Variants in JCAD observed in about 807,000 individuals in gnomAD.
The protein encoded by JCAD is junctional cadherin 5 associated.
Under a neutral mutation model 98.0 loss-of-function variants are expected in JCAD, and 40 were observed. That is an observed-to-expected ratio of 0.41 (90% CI 0.32 to 0.53). The LOEUF is 0.53. JCAD is among the 20% of genes least tolerant of loss of function. The pLI is 0.31. For synonymous variants in JCAD, 691 were observed against 682.3 expected (o/e 1.01, Z -0.20); for missense variants, 1,705 against 1,738.1 (o/e 0.98, Z 0.34).
At chr10:30,041,232 G>C (rs1837236864) in intron 2 of JCAD, among the ~76,000 whole-genome samples, 1 of 152,060 alleles carries the variant, frequency 6.6e-6, no homozygotes. Context: ...ACAGAAGACA[G>C]TGAGGGAAGA....
At chr10:30,087,543 T>C (rs1838185787) in intron 1 of JCAD, among the ~76,000 whole-genome samples, 1 of 152,216 alleles carries the variant, frequency 6.6e-6, no homozygotes, top group Admixed American at 6.5e-5. Context: ...TACCAGTTAG[T>C]GCACACTCTT....
At chr10:30,110,111 C>T (rs547232626) in intron 1 of JCAD, among the ~76,000 whole-genome samples, 1 of 151,958 alleles carries the variant, frequency 6.6e-6, no homozygotes, top group East Asian at 1.9e-4. Flanking sequence ...ATGTATCGAC[C>T]AGATGATGTA....
In JCAD at chr10:30,044,840, G is replaced by C. The variant is rs1259935335; in HGVS notation, c.281+2692C>G. 3.5e-6 allele frequency: 3 copies of C among 849,190 alleles called. No homozygotes were observed. In the African/African-American group the frequency reaches 5.5e-5, roughly 16 times the overall value. 52.6% of individuals were successfully genotyped at this position (849,190 alleles called of 1,614,324 possible). ...ATTGGGCACCTAAAAAAAAAAAAAA[G>C]TCTTTCATTTCAACCCAGGGAACCT... On this transcript the variant is annotated intron_variant, in intron 2 of 3. Coordinates refer to ENST00000375377, the MANE Select transcript of JCAD (RefSeq NM_020848.4).
intron 2 of JCAD, among the ~76,000 whole-genome samples, chr10:30,041,197 C>T (rs934815880): frequency 1.4e-4 from 22 of 151,950 alleles, no homozygotes; most frequent in Non-Finnish European, 2.5e-4. Context: ...TCCACACTTA[C>T]GAACGAGACC....
At chr10:30,091,017 C>CGCTGG (rs1209441546) in intron 1 of JCAD, among the ~76,000 whole-genome samples, 1 of 152,186 alleles carries the variant, frequency 6.6e-6, no homozygotes, top group African/African-American at 2.4e-5. Flanking sequence ...CAGGTGCACA[C>CGCTGG]GCTGGTCGTC....
chr10:30,040,547 T>C lies in JCAD; in HGVS notation c.281+6985A>G, dbSNP rs147280018. On this transcript the variant is annotated intron_variant, in intron 2 of 3. Transcript: ENST00000375377. ...TGCTTTCATTTACTTATTCATTTAT[T>C]CAACAAATATTTATGGAGTATTCGC... Among the ~76,000 whole-genome samples the C allele has an allele frequency of 2.0e-5, 3 of 152,360 alleles. No homozygotes were observed. The East Asian group carries it at 5.8e-4, about 29-fold the overall frequency.
chr10:30,051,044 G>A (rs916469478), intron 1 of JCAD, among the ~76,000 whole-genome samples: 1 of 152,164 alleles, frequency 6.6e-6, no homozygotes, highest in African/African-American at 2.4e-5. Context: ...TAGCTTCAAA[G>A]TTCAGGCTAC....
intron 3 of JCAD, among the ~76,000 whole-genome samples, chr10:30,022,196 C>T (rs549354850): frequency 4.7e-4 from 71 of 152,268 alleles, no homozygotes; most frequent in African/African-American, 1.6e-3. Context: ...TGAGCTGAAA[C>T]GACCAACTTT....
At chr10:30,040,097 G>A (rs550409710) in intron 2 of JCAD, among the ~76,000 whole-genome samples, 2 of 152,330 alleles carry the variant, frequency 1.3e-5, no homozygotes, top group African/African-American at 2.4e-5. Context: ...GTGAAGAACC[G>A]AGTGTCTGTC....
intron 1 of JCAD, among the ~76,000 whole-genome samples, chr10:30,076,148 C>T (rs1337040670): frequency 6.6e-5 from 10 of 152,126 alleles, no homozygotes; most frequent in South Asian, 2.1e-4. Context: ...CTCAGCCTCC[C>T]GAGTAGCTGG....
chr10:30,115,337 A>G (rs915624009), intron 1 of JCAD: 1 of 152,156 alleles, frequency 6.6e-6, no homozygotes, highest in African/African-American at 2.4e-5. Context: ...CCTTTCAACA[A>G]AACAATGGAA....
intron 1 of JCAD, among the ~76,000 whole-genome samples, chr10:30,078,728 C>CT (rs910604169): frequency 2.0e-5 from 3 of 152,172 alleles, no homozygotes; most frequent in African/African-American, 7.2e-5. Context: ...TCGTATGTTC[C>CT]TTTTTAGAAG....
rs1837481894 is a variant in JCAD, at chr10:30,052,095, G to C, written c.-59-4224C>G. ...CCTTTTCAAAGTTCTTTAAATATTA[G>C]CTCTATGGTGTCTATTCAAATGGAA... On this transcript the variant is annotated intron_variant, in intron 1 of 3. Coordinates refer to ENST00000375377, the MANE Select transcript of JCAD (RefSeq NM_020848.4). 2.0e-5 allele frequency among the ~76,000 whole-genome samples: 3 copies of C among 152,172 alleles called. No homozygotes were observed. The South Asian group carries it at 6.2e-4, about 31-fold the overall frequency.
chr10:30,092,098 T>TAAATATA (rs1554802539), intron 1 of JCAD, among the ~76,000 whole-genome samples: 3 of 44,594 alleles, frequency 6.7e-5, no homozygotes, highest in African/African-American at 1.2e-4. Flanking sequence ...TAAAGTTACT[T>TAAATATA]TATATATATA....
chr10:30,081,517 C>T (rs1395417091), intron 1 of JCAD, among the ~76,000 whole-genome samples: 2 of 152,144 alleles, frequency 1.3e-5, no homozygotes, highest in Non-Finnish European at 2.9e-5. Context: ...CTGCAATCTC[C>T]GCCTCCCTGG....
intron 3 of JCAD, 44 bp from the exon 4 acceptor site, chr10:30,017,961 T>G (rs760452207): frequency 1.4e-6 from 2 of 1,471,978 alleles, no homozygotes; most frequent in Non-Finnish European, 1.9e-6. Context: ...TATATTCAAC[T>G]GCTCTATTTT....
At chr10:30,069,456 A>G (rs374094096) in intron 2 of JCAD, among the ~76,000 whole-genome samples, 33,971 of 144,208 alleles carry the variant, frequency 0.24, 4,118 homozygotes, top group Middle Eastern at 0.31. Context: ...CAAAAAAAAA[A>G]AAAAAAAAAA....
At chr10:30,039,132 G>A (rs1837186823) in intron 2 of JCAD, among the ~76,000 whole-genome samples, 1 of 152,190 alleles carries the variant, frequency 6.6e-6, no homozygotes, top group South Asian at 2.1e-4. Flanking sequence ...CTTACTTGGA[G>A]GCAGACTCCC....
intron 1 of JCAD, among the ~76,000 whole-genome samples, chr10:30,094,120 CA>C (rs1838330254): frequency 6.6e-6 from 1 of 152,134 alleles, no homozygotes; most frequent in Admixed American, 6.5e-5. Flanking sequence ...CCTGCATTGT[CA>C]TTGCTTTGTT....
Sources: allele counts gnomAD v4.1 joint callset (sites outside exome capture counted in the v4.1 genomes callset), GRCh38; gene constraint gnomAD v4.1.1; transcripts MANE v1.5; gene names NCBI Gene and HGNC (gene_info 2026-07-23, HGNC 2026-07-21).